The following FLOT1 variants were observed in gnomAD, a reference collection of about 807,000 sequenced individuals.
FLOT1 encodes flotillin 1, also known as flotillin-1.
FLOT1 carries 40 observed loss-of-function variants against 58.4 expected under a neutral mutation model. The ratio of observed to expected loss-of-function variants is 0.69; its 90% CI spans 0.53 to 0.89. The LOEUF (loss-of-function observed/expected upper bound fraction) is 0.89, where lower values mean the gene tolerates loss of function less well. Among genes scored for constraint, FLOT1 ranks in the 40% least tolerant of loss-of-function variants. The pLI is 0.00. For synonymous variants in FLOT1, 178 were observed against 204.2 expected, an observed-to-expected ratio of 0.87 and a Z score of 1.09; for missense variants, 423 against 540.8, an observed-to-expected ratio of 0.78 and a Z score of 2.16.
Position 30,741,729 on chromosome 6 carries a change from A to T in FLOT1, c.120-25T>A. On this transcript the variant is annotated intron_variant, in intron 3 of 12. Coordinates refer to ENST00000376389, the MANE Select transcript of FLOT1 (RefSeq NM_005803.4). This position sits in a 1 kb window ranked among gnomAD's most constrained non-coding sequence, Gnocchi z 5.9. The stretch of plus-strand genomic sequence containing the variant: ...CCTAGGGGAAAAAGAAGGGACAGAC[A>T]GTAAGAAGAGGAGGAAAAAGAGAAA... The T allele has an allele frequency of 6.2e-7, 1 of 1,610,008 alleles. No individual in the cohort carries two copies. The highest frequency in any genetic ancestry group is 8.5e-7 in the Non-Finnish European group (1 of 1,177,224).
At chr6:30,732,706 T>C (rs1777286336) in intron 8 of FLOT1, among the ~76,000 whole-genome samples, 3 of 152,140 alleles carry the variant, frequency 2.0e-5, no homozygotes, top group Admixed American at 1.3e-4. Context: ...ACCATCATCA[T>C]TGTAGGTCTC....
Position 30,731,020 on chromosome 6 carries a change from C to T in FLOT1, c.804G>A (p.Gln268=). 1 of 1,613,158 alleles carries T rather than the reference C, an allele frequency of 6.2e-7. No individual in the cohort carries two copies. The highest frequency in any genetic ancestry group is 2.2e-5 in the East Asian group (1 of 44,880). ...TCTCCCGCCGGGCGATCTCCTGCTC[C>T]TGCACTGCCACCTGCTGGGCCCGCT... The part of the protein sequence containing the change: ...VVERAQQVAV[Q]EQEIARREKE... The change falls in exon 9 of 13, where the codon CAG becomes CAA. Residue 268 remains glutamine (Q), a synonymous_variant. Transcript: ENST00000376389.
chr6:30,741,409 G>T lies in FLOT1; in HGVS notation c.211-76C>A. The T allele has an allele frequency of 6.4e-7, 1 of 1,565,876 alleles. No individual in the cohort carries two copies. The highest frequency in any genetic ancestry group is 8.8e-7 in the Non-Finnish European group (1 of 1,140,826). ...AGAGAAAAAGCAGAGAGAGAAGGGAGAGCCCTCTAAGAAATGCTTCTTCCA... is the reference window on the plus strand; with the variant it reads ...AGAGAAAAAGCAGAGAGAGAAGGGATAGCCCTCTAAGAAATGCTTCTTCCA... On this transcript the variant is annotated intron_variant, in intron 4 of 12. Transcript: ENST00000376389. This position sits in a 1 kb window ranked among gnomAD's most constrained non-coding sequence, Gnocchi z 5.9.
intron 12 of FLOT1, among the ~76,000 whole-genome samples, chr6:30,728,788 CT>C (rs34999479): frequency 1.4e-4 from 21 of 147,524 alleles, no homozygotes; most frequent in Non-Finnish European, 1.5e-4. Flanking sequence ...ATTTCTTTCT[CT>C]TTTTTTTTTT....
At chr6:30,736,886 C>T (rs1777605737) in intron 8 of FLOT1, among the ~76,000 whole-genome samples, 1 of 152,008 alleles carries the variant, frequency 6.6e-6, no homozygotes, top group African/African-American at 2.4e-5. Context: ...AACCACCGCA[C>T]CCGGCCTTGC....
chr6:30,740,000 T>A (rs1420360939), intron 8 of FLOT1, among the ~76,000 whole-genome samples, 158 bp downstream of exon 8: 1 of 152,146 alleles, frequency 6.6e-6, no homozygotes, highest in Non-Finnish European at 1.5e-5. Flanking sequence ...AACGTCTGAG[T>A]CTTTTAAATC....
intron 6 of FLOT1, 40 bp downstream of exon 6, chr6:30,740,639 G>A (rs761890901): frequency 1.2e-6 from 2 of 1,612,982 alleles, no homozygotes; most frequent in Non-Finnish European, 1.7e-6. Flanking sequence ...TTAAGAGATG[G>A]GAGCAAGGAA....
intron 8 of FLOT1, among the ~76,000 whole-genome samples, chr6:30,739,789 G>A (rs1777833930): frequency 6.6e-6 from 1 of 152,108 alleles, no homozygotes; most frequent in Admixed American, 6.6e-5. Flanking sequence ...CATACCCCAA[G>A]TAGCTGTGAC....
chr6:30,738,236 C>A (rs2844704), intron 8 of FLOT1, among the ~76,000 whole-genome samples: 18,896 of 152,242 alleles, frequency 0.12, 1,755 homozygotes, highest in Non-Finnish European at 0.17. Context: ...TAACAAGCTT[C>A]GCAGTGATGC....
intron 8 of FLOT1, among the ~76,000 whole-genome samples, chr6:30,738,504 T>C (rs959057853): frequency 2.0e-5 from 3 of 152,210 alleles, no homozygotes; most frequent in African/African-American, 7.2e-5. Flanking sequence ...AATTAGTTAA[T>C]ACCTAATTTG....
chr6:30,729,691 G>A (rs1777011122), intron 12 of FLOT1, among the ~76,000 whole-genome samples: 1 of 152,190 alleles, frequency 6.6e-6, no homozygotes, highest in Non-Finnish European at 1.5e-5. Flanking sequence ...ACTGTCAATA[G>A]GCTGCAACTA....
At position 30,742,623 on chromosome 6, in the gene FLOT1, T is replaced by G; in HGVS notation, c.-111A>C. 1 of 189,556 alleles carries G rather than the reference T, an allele frequency of 5.3e-6. No homozygotes were observed. Among genetic ancestry groups the G allele is most frequent in the Non-Finnish European group, 1.1e-5 (1 of 90,236 alleles). 11.7% of individuals were successfully genotyped at this position (189,556 alleles called of 1,614,324 possible). On this transcript the variant is annotated 5_prime_UTR_variant, in exon 1 of 13. Coordinates refer to ENST00000376389, the MANE Select transcript of FLOT1 (RefSeq NM_005803.4). The surrounding 1 kb of genome is among the most constrained non-coding windows in gnomAD (Gnocchi z 5.2). Reference sequence around the variant, plus strand: ...GGCAGGGGCCGCTCGCAGACCAGCTTTCCTGGGAGCTGGCCCCGCTCCCGC... The same window carrying G: ...GGCAGGGGCCGCTCGCAGACCAGCTGTCCTGGGAGCTGGCCCCGCTCCCGC...
chr6:30,738,453 G>A (rs1200095186), intron 8 of FLOT1, among the ~76,000 whole-genome samples: 1 of 152,154 alleles, frequency 6.6e-6, no homozygotes, highest in Non-Finnish European at 1.5e-5. Flanking sequence ...GATTTTCATT[G>A]TTCTTGGTAG....
Position 30,741,443 on chromosome 6 carries a change from A to G in FLOT1, c.211-110T>C, listed in dbSNP as rs1777971490. 9 of 1,472,886 alleles carry G rather than the reference A, an allele frequency of 6.1e-6. No homozygotes were observed. Among genetic ancestry groups the G allele is most frequent in the Admixed American group, 1.8e-5 (1 of 56,466 alleles). The allele number at this position is 1,472,886 out of a possible 1,614,324, so 91.2% of individuals were successfully genotyped here. ...AAGAAATGCTTCTTCCATTTCAGGG[A>G]AAGAAAGGAGGAGGAGGCAAGTGCC... is the stretch of plus-strand genomic sequence containing the variant. On this transcript the variant is annotated intron_variant, in intron 4 of 12. Transcript: ENST00000376389. This position sits in a 1 kb window ranked among gnomAD's most constrained non-coding sequence, Gnocchi z 5.9.
intron 8 of FLOT1, among the ~76,000 whole-genome samples, chr6:30,738,461 T>C (rs923120561): frequency 1.3e-5 from 2 of 152,240 alleles, no homozygotes; most frequent in Non-Finnish European, 2.9e-5. Flanking sequence ...TTGTTCTTGG[T>C]AGTTCTGTTC....
rs908434427 is a variant in FLOT1 at position 30,730,091 on chromosome 6, C to T, written c.1185G>A (p.Gly395=). The T allele has an allele frequency of 6.2e-6, 10 of 1,612,886 alleles. No individual in the cohort carries two copies. The highest frequency in any genetic ancestry group is 4.0e-5 in the African/African-American group (3 of 74,886). Residue 395 remains glycine (G), a synonymous_variant, in exon 12 of 13, where the codon GGG becomes GGA. Coordinates refer to ENST00000376389, the MANE Select transcript of FLOT1 (RefSeq NM_005803.4). ...SGTMGAAKVT[G]EVLDILTRLP... ...GGCGAGTTAGAATGTCCAGTACTTCCCCAGTCACTTTGGCTGCCCCCATGG... is the reference window on the plus strand; with the variant it reads ...GGCGAGTTAGAATGTCCAGTACTTCTCCAGTCACTTTGGCTGCCCCCATGG...
chr6:30,728,594 C>T (rs1239505338), intron 12 of FLOT1, among the ~76,000 whole-genome samples: 1 of 151,766 alleles, frequency 6.6e-6, no homozygotes, highest in Non-Finnish European at 1.5e-5. Context: ...CTCAGCCTCC[C>T]GAGTAGCTGG....
At position 30,740,313 on chromosome 6, in the gene FLOT1, G is replaced by T; in HGVS notation, c.571-3C>A. 6.2e-7 allele frequency: 1 copy of T among 1,612,968 alleles called. No individual in the cohort carries two copies. Among genetic ancestry groups the T allele is most frequent in the Non-Finnish European group, 8.5e-7 (1 of 1,179,992 alleles). ...TTTTCCTGCTTGGCTTTAGCTTCCT[G>T]TCCAAGCAGAGATCAGGTAGGAAAT... is the stretch of plus-strand genomic sequence containing the variant. On this transcript the variant is annotated splice_region_variant and splice_polypyrimidine_tract_variant and intron_variant, in intron 7 of 12. Coordinates refer to ENST00000376389, the MANE Select transcript of FLOT1 (RefSeq NM_005803.4).
intron 8 of FLOT1, among the ~76,000 whole-genome samples, chr6:30,734,195 A>G (rs1777407733): frequency 6.6e-6 from 1 of 151,136 alleles, no homozygotes; most frequent in Non-Finnish European, 1.5e-5. Flanking sequence ...TATATTTTTC[A>G]TTCATTGCAT....
Sources: allele counts gnomAD v4.1 joint callset (sites outside exome capture counted in the v4.1 genomes callset), GRCh38; gene constraint gnomAD v4.1.1; non-coding constraint Gnocchi (gnomAD v3.1); transcripts MANE v1.5; gene names NCBI Gene and HGNC (gene_info 2026-07-23, HGNC 2026-07-21).